Variants in GCNA observed in about 807,000 individuals in gnomAD.
The protein encoded by GCNA is germ cell nuclear acidic protein.
GCNA carries 3 observed loss-of-function variants against 38.8 expected under a neutral mutation model. The ratio of observed to expected loss-of-function variants is 0.08; its 90% confidence interval spans 0.04 to 0.20. The LOEUF is 0.20. Ranked by LOEUF, GCNA falls within the 10% of genes least tolerant of loss-of-function variation. The probability of loss-of-function intolerance (pLI) is 1.00; values close to 1 mark genes in which losing one functional copy is unlikely to be tolerated. For missense variants in GCNA, 446 were observed against 578.6 expected, an observed-to-expected ratio of 0.77 and a Z score of 2.35; for synonymous variants, 195 against 240.2, an observed-to-expected ratio of 0.81 and a Z score of 1.74.
chrX:71,601,726 A>C (rs2040716777), intron 7 of GCNA, among the ~76,000 whole-genome samples: 1 of 110,356 alleles, frequency 9.1e-6, no homozygotes, highest in African/African-American at 3.3e-5. Context: ...TTGTAGTTTT[A>C]GTAGAGATGG....
chrX:71,609,566 T>C (rs915081348), intron 10 of GCNA, among the ~76,000 whole-genome samples: 2 of 112,287 alleles, frequency 1.8e-5, no homozygotes, highest in Non-Finnish European at 3.8e-5. Context: ...GACAACACAG[T>C]ACGTATTACC....
intron 7 of GCNA, among the ~76,000 whole-genome samples, chrX:71,601,661 T>C (rs894480328): frequency 9.0e-6 from 1 of 110,712 alleles, no homozygotes; most frequent in African/African-American, 3.3e-5. Flanking sequence ...TTCTCCTGCT[T>C]CAGCCTCCTG....
chrX:71,582,206 G>A (rs1203540064), intron 2 of GCNA, among the ~76,000 whole-genome samples: 2 of 103,756 alleles, frequency 1.9e-5, no homozygotes, highest in Non-Finnish European at 3.9e-5. Flanking sequence ...CCGGGAAGTC[G>A]AGGCAGCAGT....
intron 7 of GCNA, among the ~76,000 whole-genome samples, chrX:71,602,565 T>G (rs1289410073): frequency 1.8e-5 from 2 of 112,445 alleles, no homozygotes; most frequent in Non-Finnish European, 3.8e-5. Context: ...TTGCCATTTG[T>G]ATGTCTTCTT....
intron 11 of GCNA, 42 bp from the exon 12 acceptor site, chrX:71,612,313 A>C: frequency 5.3e-5 from 23 of 431,589 alleles, no homozygotes; most frequent in Non-Finnish European, 8.5e-5. Flanking sequence ...AAAAAAGAGG[A>C]TTGGTTTTAG....
In GCNA at chrX:71,612,283, G is replaced by GAAAA. The variant is rs756270122; in HGVS notation, c.1751-50_1751-47dup. 3.1e-3 allele frequency: 900 copies of GAAAA among 290,868 alleles called. 3 individuals carry two copies. The highest frequency in any genetic ancestry group is 8.2e-3 in the Admixed American group (89 of 10,842). 24.0% of individuals were successfully genotyped at this position (290,868 alleles called of 1,213,427 possible). A position where few individuals can be genotyped will look rare whatever the true frequency, so the allele number is the denominator to read the frequency against. On this transcript the variant is annotated intron_variant, in intron 11 of 12. Transcript: ENST00000373696. ...ACAAAGCAAGACTATCTCAAAAAAG[G>GAAAA]AAAAAAAAAAAAAAAAAAAAAAAAA...
chrX:71,590,439 C>G (rs1470714944), intron 2 of GCNA, among the ~76,000 whole-genome samples: 1 of 111,787 alleles, frequency 8.9e-6, no homozygotes, highest in Non-Finnish European at 1.9e-5. Context: ...GTGCTGTTTA[C>G]TGACAACTAA....
intron 2 of GCNA, among the ~76,000 whole-genome samples, chrX:71,584,817 G>A (rs1159698643): frequency 9.0e-6 from 1 of 110,618 alleles, no homozygotes; most frequent in Non-Finnish European, 1.9e-5. Context: ...GCAGTGAGCC[G>A]AGATCGCACC....
chrX:71,587,255 C>T (rs1213709941), intron 2 of GCNA, among the ~76,000 whole-genome samples: 2 of 109,982 alleles, frequency 1.8e-5, no homozygotes, highest in Non-Finnish European at 3.8e-5. Context: ...GAGTGAGTTC[C>T]TAGCTGATTG....
intron 2 of GCNA, among the ~76,000 whole-genome samples, chrX:71,590,514 GA>G (rs1411379613): frequency 9.0e-6 from 1 of 111,678 alleles, no homozygotes; most frequent in African/African-American, 3.3e-5. Flanking sequence ...CCTGATTAAA[GA>G]AAAAAACTTG....
intron 11 of GCNA, among the ~76,000 whole-genome samples, chrX:71,612,109 C>G (rs1468402773): frequency 1.1e-5 from 1 of 93,514 alleles, no homozygotes; most frequent in Non-Finnish European, 2.1e-5. Context: ...CCCGTCTCTA[C>G]TAAAAAAAAA....
intron 7 of GCNA, among the ~76,000 whole-genome samples, chrX:71,601,806 A>G (rs2147725519): frequency 8.9e-6 from 1 of 112,064 alleles, no homozygotes; most frequent in East Asian, 2.8e-4. Context: ...CTGGCCTCCC[A>G]ATGTGCTGGG....
At chrX:71,580,574 A>G in intron 1 of GCNA, 1 of 259,762 alleles carries the variant, frequency 3.8e-6, no homozygotes, top group South Asian at 1.0e-4. Context: ...TCCCGGGTTC[A>G]CGCCATTTTC....
chrX:71,612,832 T>G (rs1300027737), intron 12 of GCNA, 30 bp from the exon 13 acceptor site: 1 of 1,203,286 alleles, frequency 8.3e-7, no homozygotes, highest in Non-Finnish European at 1.1e-6. Context: ...GACTGATTCT[T>G]TTGTTGTGTG....
chrX:71,600,747 A>G (rs1318294045), intron 7 of GCNA, among the ~76,000 whole-genome samples: 4 of 112,298 alleles, frequency 3.6e-5, no homozygotes, highest in Non-Finnish European at 3.8e-5. Flanking sequence ...ATGTTTTGAT[A>G]CAAGCATGCA....
At chrX:71,591,797 G>T (rs958840937) in intron 2 of GCNA, among the ~76,000 whole-genome samples, 40 of 112,046 alleles carry the variant, frequency 3.6e-4, no homozygotes, top group Non-Finnish European at 6.0e-4. Flanking sequence ...GAGCCTCCAT[G>T]CCTGGTGTTG....
intron 6 of GCNA, among the ~76,000 whole-genome samples, chrX:71,596,606 T>C (rs1477136868): frequency 1.8e-5 from 2 of 112,309 alleles, no homozygotes; most frequent in Non-Finnish European, 3.8e-5. Flanking sequence ...GCTAGATAGA[T>C]GGTGAACAAA....
intron 2 of GCNA, among the ~76,000 whole-genome samples, 171 bp downstream of exon 2, chrX:71,581,051 A>G (rs1049786330): frequency 8.9e-6 from 1 of 112,261 alleles, no homozygotes; most frequent in African/African-American, 3.2e-5. Flanking sequence ...CCAGCCTCCT[A>G]TGAAATTCTT....
Position 71,612,518 on chromosome X carries a change from T to A in GCNA, c.1914T>A (p.Ile638=). ...PRVTRCHNYK[I]NYKVHYECTG... The stretch of plus-strand genomic sequence containing the variant: ...TCACCCGTTGCCATAACTATAAGAT[T>A]AACTACAAGGTCCATTATGAATGTA... Residue 638 remains isoleucine, a synonymous_variant, in exon 12 of 13, where the codon ATT becomes ATA. Coordinates refer to ENST00000373696, the MANE Select transcript of GCNA (RefSeq NM_052957.5). The A allele has an allele frequency of 8.3e-7, 1 of 1,209,858 alleles. No homozygotes were observed. The highest frequency in any genetic ancestry group is 1.1e-6 in the Non-Finnish European group (1 of 894,922).
Sources: allele counts gnomAD v4.1 joint callset (sites outside exome capture counted in the v4.1 genomes callset), GRCh38; gene constraint gnomAD v4.1.1; transcripts MANE v1.5; gene names NCBI Gene and HGNC (gene_info 2026-07-23, HGNC 2026-07-21).